TLE3: variants seen among roughly 807,000 people sequenced by gnomAD.
TLE3 encodes transducin-like enhancer protein 3.
TLE3 carries 14 observed loss-of-function variants against 93.0 expected under a neutral mutation model. That is an observed-to-expected ratio of 0.15 (90% CI 0.10 to 0.24). The LOEUF is 0.24. Ranked by LOEUF, TLE3 falls within the 10% of genes least tolerant of loss-of-function variation. The pLI is 1.00. For missense variants in TLE3, 693 were observed against 1,046.6 expected (o/e 0.66, Z 4.66); for synonymous variants, 451 against 425.0 (o/e 1.06, Z -0.75).
intron 15 of TLE3, 112 bp from the exon 16 acceptor site, chr15:70,054,797 C>A (rs780477125): frequency 3.6e-6 from 5 of 1,389,872 alleles, no homozygotes; most frequent in Non-Finnish European, 4.8e-6. Flanking sequence ...CAGCCTCCCC[C>A]TATACCCAGC....
In TLE3 at chr15:70,062,552, C is replaced by T. The variant is rs372626900; in HGVS notation, c.594+1902G>A. 7.4e-4 allele frequency among the ~76,000 whole-genome samples: 113 copies of T among 152,270 alleles called. 1 individual carries two copies. The highest frequency in any genetic ancestry group is 2.3e-3 in the African/African-American group (97 of 41,554). On this transcript the variant is annotated intron_variant, in intron 8 of 19. Coordinates refer to ENST00000451782, the MANE Select transcript of TLE3 (RefSeq NM_001105192.3). The stretch of plus-strand genomic sequence containing the variant: ...ATCCAGCCCGCCTCTGGCTGGCAGG[C>T]GGCCAAAAAACTAAGTATTTTTTAT...
At chr15:70,083,915 C>G (rs942184782) in intron 4 of TLE3, among the ~76,000 whole-genome samples, 2 of 152,182 alleles carry the variant, frequency 1.3e-5, no homozygotes, top group African/African-American at 4.8e-5. Flanking sequence ...ATCTTATTCA[C>G]AACCAAAGAG....
At chr15:70,052,938 A>G (rs1262731772) in intron 17 of TLE3, 2 of 414,350 alleles carry the variant, frequency 4.8e-6, no homozygotes, top group Non-Finnish European at 8.7e-6. Flanking sequence ...GGAGGGTGCT[A>G]CTATTATTTC....
intron 3 of TLE3, among the ~76,000 whole-genome samples, chr15:70,094,962 G>A (rs2058479993): frequency 6.6e-6 from 1 of 152,238 alleles, no homozygotes; most frequent in African/African-American, 2.4e-5. Context: ...AGTGCAGGGA[G>A]CCGTGCCCTC....
chr15:70,060,472 G>A, intron 9 of TLE3, 58 bp downstream of exon 9: 13 of 1,605,288 alleles, frequency 8.1e-6, no homozygotes, highest in Non-Finnish European at 1.1e-5. Flanking sequence ...GGGCCCTGCA[G>A]ACACCCCCTG....
intron 4 of TLE3, among the ~76,000 whole-genome samples, chr15:70,091,869 G>A (rs978546570): frequency 6.6e-6 from 1 of 152,214 alleles, no homozygotes; most frequent in Non-Finnish European, 1.5e-5. Flanking sequence ...GGTGGTGATG[G>A]TGGAGTGCGT....
At chr15:70,067,523 C>A (rs1420383923) in intron 6 of TLE3, among the ~76,000 whole-genome samples, 1 of 152,122 alleles carries the variant, frequency 6.6e-6, no homozygotes. Flanking sequence ...AGAAGATCCC[C>A]AAAGCAAGAG....
At chr15:70,096,095 T>G in intron 2 of TLE3, 66 bp downstream of exon 2, 2 of 1,470,506 alleles carry the variant, frequency 1.4e-6, no homozygotes, top group Non-Finnish European at 1.8e-6. Flanking sequence ...CCGCGGGGGA[T>G]GGCAGGAGCC....
At chr15:70,065,973 A>AACCCAGCCCCCCCCCCC in intron 7 of TLE3, 41 bp downstream of exon 7, 1 of 806,252 alleles carries the variant, frequency 1.2e-6, no homozygotes, top group Non-Finnish European at 2.1e-6. Context: ...GCCCATGCCC[A>AACCCAGCCCCCCCCCCC]CCCCTGCCCC....
chr15:70,074,101 G>A (rs1010338377), intron 6 of TLE3, among the ~76,000 whole-genome samples: 1 of 152,402 alleles, frequency 6.6e-6, no homozygotes. Context: ...CAGTACAGCA[G>A]AGACTGTTCT....
chr15:70,091,851 A>C (rs974596187), intron 4 of TLE3, among the ~76,000 whole-genome samples: 2 of 152,220 alleles, frequency 1.3e-5, no homozygotes, highest in Non-Finnish European at 2.9e-5. Context: ...CTTTTAAAAA[A>C]AATATGTGGT....
intron 4 of TLE3, among the ~76,000 whole-genome samples, chr15:70,078,474 A>G (rs1029266020): frequency 2.6e-5 from 4 of 152,280 alleles, no homozygotes; most frequent in African/African-American, 9.6e-5. Flanking sequence ...AAACAACAAT[A>G]GAGCAGTGTC....
rs1390406037 is a variant in TLE3, at chr15:70,057,785, A to G, written c.1052-127T>C. On this transcript the variant is annotated intron_variant, in intron 12 of 19. Transcript: ENST00000451782. ...GCTCCAGGCAGTCCTCTCAGACTGA[A>G]CCCACCCAAGTGGGATCCCTGCCTT... 3.3e-6 allele frequency: 4 copies of G among 1,205,902 alleles called. No homozygotes were observed. The African/African-American group carries it at 4.5e-5, about 14-fold the overall frequency. The allele number at this position is 1,205,902 out of a possible 1,614,324, so 74.7% of individuals were successfully genotyped here.
chr15:70,053,116 C>A, intron 17 of TLE3, 111 bp downstream of exon 17: 3 of 1,407,168 alleles, frequency 2.1e-6, no homozygotes, highest in Non-Finnish European at 2.9e-6. Context: ...TCCCAAGTCT[C>A]TTGGCCGTGG....
At chr15:70,094,153 A>AG (rs1316753976) in intron 4 of TLE3, among the ~76,000 whole-genome samples, 5 of 152,026 alleles carry the variant, frequency 3.3e-5, no homozygotes, top group Admixed American at 3.3e-4. Context: ...AAAAGGAGAA[A>AG]GAAAAAAAAA....
Position 70,097,428 on chromosome 15 carries a change from C to T in TLE3, c.-630G>A. 2.4e-6 allele frequency: 1 copy of T among 418,092 alleles called. No individual in the cohort carries two copies. The highest frequency in any genetic ancestry group is 4.2e-6 in the Non-Finnish European group (1 of 238,758). The allele number at this position is 418,092 out of a possible 1,614,324, so 25.9% of individuals were successfully genotyped here. A position where few individuals can be genotyped will look rare whatever the true frequency, so the allele number is the denominator to read the frequency against. On this transcript the variant is annotated 5_prime_UTR_variant, in exon 1 of 20. Coordinates refer to ENST00000451782, the MANE Select transcript of TLE3 (RefSeq NM_001105192.3). Reference sequence around the variant, plus strand: ...GACGCCCCCCCTCGGAGAGGAGAGCCTGCTGTTCCGTCTGCTACTGCCGCT... The same window carrying T: ...GACGCCCCCCCTCGGAGAGGAGAGCTTGCTGTTCCGTCTGCTACTGCCGCT...
intron 2 of TLE3, chr15:70,095,855 C>T: frequency 7.7e-6 from 5 of 650,852 alleles, no homozygotes; most frequent in Non-Finnish European, 1.3e-5. Flanking sequence ...AGCCAAAGGA[C>T]TTATCACGGC....
rs764711775 is a variant in TLE3, at chr15:70,058,221, C to A, written c.989G>T (p.Gly330Val). Residue 330 changes from glycine (G) to valine (V), a missense_variant, in exon 12 of 20, where the codon GGC (glycine) becomes GTC (valine). By Grantham distance (109) the Gly-to-Val change is moderately radical (BLOSUM62 -3). Coordinates refer to ENST00000451782, the MANE Select transcript of TLE3 (RefSeq NM_001105192.3). The surrounding 1 kb of genome is among the most constrained non-coding windows in gnomAD (Gnocchi z 4.1). ...PTPRNDAPTP[G>V]TSTTPGLRSM... The stretch of plus-strand genomic sequence containing the variant: ...CCTGAGCCCTGGGGTCGTGCTGGTG[C>A]CTGGAGTTGGGGCGTCGTTCCTTGG... 2 of 1,613,418 alleles carry A rather than the reference C, an allele frequency of 1.2e-6. No individual in the cohort carries two copies. The highest frequency in any genetic ancestry group is 1.7e-6 in the Non-Finnish European group (2 of 1,179,528).
chr15:70,079,850 G>A (rs1007497959), intron 4 of TLE3, among the ~76,000 whole-genome samples: 3 of 152,002 alleles, frequency 2.0e-5, no homozygotes, highest in Non-Finnish European at 2.9e-5. Flanking sequence ...CCACTTTTCA[G>A]ATGGGGAAAC....
Sources: allele counts gnomAD v4.1 joint callset (sites outside exome capture counted in the v4.1 genomes callset), GRCh38; gene constraint gnomAD v4.1.1; non-coding constraint Gnocchi (gnomAD v3.1); transcripts MANE v1.5; gene names NCBI Gene and HGNC (gene_info 2026-07-23, HGNC 2026-07-21).